Variants in CDK6 observed in about 807,000 individuals in gnomAD.
CDK6 encodes the protein cyclin dependent kinase 6, also known as cyclin-dependent kinase 6.
In CDK6, 6 loss-of-function variants were observed where a neutral mutation model predicts 37.1. That is an observed-to-expected ratio of 0.16 (90% CI 0.09 to 0.32). The LOEUF is 0.32. Ranked by LOEUF, CDK6 falls within the 10% of genes least tolerant of loss-of-function variation. CDK6 has a pLI of 1.00. For missense variants in CDK6, 224 were observed against 418.9 expected, an observed-to-expected ratio of 0.53 and a Z score of 4.06; for synonymous variants, 160 against 161.3, an observed-to-expected ratio of 0.99 and a Z score of 0.06.
intron 5 of CDK6, among the ~76,000 whole-genome samples, chr7:92,649,404 G>T (rs1281273634): frequency 2.0e-5 from 3 of 152,180 alleles, no homozygotes; most frequent in Non-Finnish European, 4.4e-5. Flanking sequence ...CAGGTGACTG[G>T]ATGTCCTGGT....
At chr7:92,829,445 A>G (rs1801421024) in intron 2 of CDK6, among the ~76,000 whole-genome samples, 1 of 152,204 alleles carries the variant, frequency 6.6e-6, no homozygotes, top group African/African-American at 2.4e-5. Context: ...TCTTTCTTAC[A>G]GCACATGATC....
intron 3 of CDK6, among the ~76,000 whole-genome samples, chr7:92,740,847 A>G (rs1018187656): frequency 1.3e-5 from 2 of 152,000 alleles, no homozygotes; most frequent in Non-Finnish European, 2.9e-5. Context: ...TCAGAAACCT[A>G]AGCTCCTCCT....
intron 2 of CDK6, among the ~76,000 whole-genome samples, chr7:92,822,631 T>C (rs959150893): frequency 1.3e-5 from 2 of 152,094 alleles, no homozygotes; most frequent in African/African-American, 4.8e-5. Flanking sequence ...TATATTCTAA[T>C]GGGAAGCTGA....
chr7:92,758,926 T>C (rs1445705053), intron 3 of CDK6, among the ~76,000 whole-genome samples: 1 of 152,162 alleles, frequency 6.6e-6, no homozygotes, highest in Non-Finnish European at 1.5e-5. Context: ...CTTCCTGATT[T>C]GGCTCTTGGC....
chr7:92,671,168 A>G (rs1797063952), intron 5 of CDK6: 2 of 295,988 alleles, frequency 6.8e-6, no homozygotes, highest in Non-Finnish European at 1.2e-5. Context: ...ATCACCAGTA[A>G]AACAATGTAA....
At chr7:92,768,370 G>A (rs1799634663) in intron 3 of CDK6, among the ~76,000 whole-genome samples, 2 of 152,214 alleles carry the variant, frequency 1.3e-5, no homozygotes, top group Admixed American at 1.3e-4. Context: ...GTAAAAGATG[G>A]CATCACTGAT....
intron 3 of CDK6, among the ~76,000 whole-genome samples, chr7:92,754,990 T>C (rs564220386): frequency 1.1e-4 from 17 of 152,232 alleles, no homozygotes; most frequent in Non-Finnish European, 2.1e-4. Context: ...CTCTTGGCCC[T>C]ACCACTCTTC....
chr7:92,686,231 A>C (rs1197217440), intron 4 of CDK6, among the ~76,000 whole-genome samples: 1 of 152,156 alleles, frequency 6.6e-6, no homozygotes, highest in East Asian at 1.9e-4. Context: ...TGCACCCATC[A>C]CTTGAGTAGT....
At chr7:92,822,675 G>A (rs1056162564) in intron 2 of CDK6, among the ~76,000 whole-genome samples, 2 of 152,058 alleles carry the variant, frequency 1.3e-5, no homozygotes, top group African/African-American at 4.8e-5. Flanking sequence ...TATTCAACAG[G>A]TAATTGAGTG....
intron 5 of CDK6, among the ~76,000 whole-genome samples, chr7:92,646,340 T>C (rs1796448478): frequency 6.6e-6 from 1 of 152,184 alleles, no homozygotes; most frequent in Non-Finnish European, 1.5e-5. Flanking sequence ...GTTTTTGCTA[T>C]CTTCCACAGT....
intron 5 of CDK6, among the ~76,000 whole-genome samples, chr7:92,636,515 A>C (rs1458304937): frequency 6.6e-6 from 1 of 152,216 alleles, no homozygotes; most frequent in African/African-American, 2.4e-5. Context: ...ACTCTCTGTC[A>C]TATTTTTGAT....
intron 4 of CDK6, among the ~76,000 whole-genome samples, chr7:92,698,682 G>A (rs758271495): frequency 1.1e-4 from 17 of 152,248 alleles, no homozygotes; most frequent in Non-Finnish European, 2.1e-4. Context: ...TAATTCAGAC[G>A]AGCATGCTTC....
intron 4 of CDK6, among the ~76,000 whole-genome samples, chr7:92,708,782 A>G (rs1199709289): frequency 6.6e-6 from 1 of 152,226 alleles, no homozygotes; most frequent in Non-Finnish European, 1.5e-5. Context: ...TGTCATATAG[A>G]GATTCTTCAT....
rs561706908 is a variant in CDK6 at position 92,626,898 on chromosome 7, A to G, written c.648-3812T>C. Among the ~76,000 whole-genome samples, 15 of 152,232 alleles carry G rather than the reference A, an allele frequency of 9.9e-5. No individual in the cohort carries two copies. In the South Asian group the frequency reaches 3.1e-3, roughly 32 times the overall value. The stretch of plus-strand genomic sequence containing the variant: ...TATTTTCCTTGTATAATAAAATTAT[A>G]TAAAACATTTCACTGAAATTGGAGA... On this transcript the variant is annotated intron_variant, in intron 5 of 7. Transcript: ENST00000424848.
chr7:92,754,706 A>G (rs905264947), intron 3 of CDK6, among the ~76,000 whole-genome samples: 1 of 152,122 alleles, frequency 6.6e-6, no homozygotes, highest in African/African-American at 2.4e-5. Context: ...TGTATTTTAG[A>G]GTTTCTTTTC....
In CDK6 at chr7:92,833,718, G is replaced by A; in HGVS notation, c.-367-28C>T. The A allele has an allele frequency of 2.3e-6, 1 of 433,284 alleles. No individual in the cohort carries two copies. Among genetic ancestry groups the A allele is most frequent in the Non-Finnish European group, 4.0e-6 (1 of 249,034 alleles). The allele number at this position is 433,284 out of a possible 1,614,324, so 26.8% of individuals were successfully genotyped here. On this transcript the variant is annotated intron_variant, in intron 1 of 7. Transcript: ENST00000424848. This position sits in a 1 kb window ranked among gnomAD's most constrained non-coding sequence, Gnocchi z 6.1. Reference sequence around the variant, plus strand: ...AAAGGAGGAGACGGGAGGATAAGAAGAAAGTGCAATCAGACAGCCCAGAAG... The same window carrying A: ...AAAGGAGGAGACGGGAGGATAAGAAAAAAGTGCAATCAGACAGCCCAGAAG...
At chr7:92,733,638 A>C (rs942592086) in intron 3 of CDK6, among the ~76,000 whole-genome samples, 4 of 152,170 alleles carry the variant, frequency 2.6e-5, no homozygotes, top group African/African-American at 9.7e-5. Flanking sequence ...GATTAGCAAA[A>C]GGGTTTAAGC....
intron 5 of CDK6, among the ~76,000 whole-genome samples, chr7:92,665,841 G>A (rs574932901): frequency 1.3e-5 from 2 of 152,208 alleles, no homozygotes; most frequent in African/African-American, 2.4e-5. Context: ...AATCAAAGGC[G>A]ATCGAGTCAG....
chr7:92,641,807 G>C (rs540021727), intron 5 of CDK6, among the ~76,000 whole-genome samples: 43 of 152,310 alleles, frequency 2.8e-4, no homozygotes, highest in East Asian at 1.9e-4. Context: ...ATTATGTCTA[G>C]TGAGATCATT....
Sources: gnomAD v4.1 joint callset for allele counts (sites outside exome capture counted in the v4.1 genomes callset) on GRCh38, gnomAD v4.1.1 for gene constraint, Gnocchi (gnomAD v3.1) non-coding constraint, MANE v1.5 for transcripts, NCBI Gene and HGNC (gene_info 2026-07-23, HGNC 2026-07-21) for gene names.